POFUT3: variants seen among roughly 807,000 people sequenced by gnomAD.
POFUT3 encodes GDP-fucose protein O-fucosyltransferase 3.
At chr8:33,451,066 A>ATGTGTGCG in the POFUT3 span, among the ~76,000 whole-genome samples, 2 of 148,022 alleles carry the variant, frequency 1.4e-5, no homozygotes, top group African/African-American at 2.5e-5. Context: ...AAGGAGGTGT[A>ATGTGTGCG]TGTGTGTGTG....
chr8:33,449,524 A>G, the POFUT3 span, among the ~76,000 whole-genome samples: 1 of 152,050 alleles, frequency 6.6e-6, no homozygotes, highest in Non-Finnish European at 1.5e-5. Context: ...TCCTGACCTC[A>G]GGTGATCTGC....
chr8:33,422,568 A>G, the POFUT3 span, among the ~76,000 whole-genome samples: 1 of 149,732 alleles, frequency 6.7e-6, no homozygotes, highest in Non-Finnish European at 1.5e-5. Flanking sequence ...AAAAAAAAAA[A>G]AAAACCACAG....
chr8:33,380,026 T>TACTATATATATAC, the POFUT3 span, among the ~76,000 whole-genome samples: 1 of 74,552 alleles, frequency 1.3e-5, no homozygotes, highest in African/African-American at 6.5e-5. Context: ...TATATATATA[T>TACTATATATATAC]ACTATATATA....
At chr8:33,358,914 G>A in the POFUT3 span, among the ~76,000 whole-genome samples, 37 of 152,206 alleles carry the variant, frequency 2.4e-4, no homozygotes, top group African/African-American at 6.7e-4. Flanking sequence ...AAAGAGGGTT[G>A]TTTATGAACC....
At chr8:33,323,842 T>C in the POFUT3 span, among the ~76,000 whole-genome samples, 3 of 152,314 alleles carry the variant, frequency 2.0e-5, no homozygotes, top group East Asian at 1.9e-4. Flanking sequence ...CTACATAAGA[T>C]GATGTAACTG....
At chr8:33,313,397 G>A in the POFUT3 span, among the ~76,000 whole-genome samples, 3 of 152,114 alleles carry the variant, frequency 2.0e-5, no homozygotes, top group African/African-American at 7.2e-5. Flanking sequence ...CTATTTCCAT[G>A]AGGCAGCTTC....
the POFUT3 span, among the ~76,000 whole-genome samples, chr8:33,415,473 G>A: frequency 3.4e-4 from 52 of 151,872 alleles, no homozygotes; most frequent in Non-Finnish European, 6.0e-4. Context: ...TATGAAGGAG[G>A]GGTAGAGGTG....
chr8:33,467,319 G>A, the POFUT3 span, among the ~76,000 whole-genome samples: 5 of 150,560 alleles, frequency 3.3e-5, no homozygotes, highest in South Asian at 1.1e-3. Flanking sequence ...TCAAGGTGTG[G>A]CCAGAGCACA....
chr8:33,441,946 A>G, the POFUT3 span, among the ~76,000 whole-genome samples: 1 of 151,702 alleles, frequency 6.6e-6, no homozygotes, highest in Non-Finnish European at 1.5e-5. Context: ...GGCACCTGTC[A>G]CTTCTATTTT....
the POFUT3 span, among the ~76,000 whole-genome samples, chr8:33,375,632 A>G: frequency 1.3e-5 from 2 of 152,256 alleles, no homozygotes; most frequent in Non-Finnish European, 2.9e-5. Context: ...ATGATAGTGT[A>G]CTACATGGTT....
At chr8:33,416,307 C>A in the POFUT3 span, among the ~76,000 whole-genome samples, 3 of 152,186 alleles carry the variant, frequency 2.0e-5, no homozygotes, top group South Asian at 6.2e-4. Context: ...GGACATGATT[C>A]AGAAAATAGT....
At chr8:33,318,656 TATATAATATATAAATATATTG>T in the POFUT3 span, among the ~76,000 whole-genome samples, 5 of 84,618 alleles carry the variant, frequency 5.9e-5, no homozygotes, top group Non-Finnish European at 1.0e-4. Flanking sequence ...TATATATATT[TATATAATATATAAATATATTG>T]TATATATATT....
At chr8:33,334,134 C>T in the POFUT3 span, among the ~76,000 whole-genome samples, 2 of 152,136 alleles carry the variant, frequency 1.3e-5, no homozygotes, top group Non-Finnish European at 1.5e-5. Flanking sequence ...ACAGTAACTG[C>T]CAACATAGGG....
the POFUT3 span, among the ~76,000 whole-genome samples, chr8:33,373,530 A>C: frequency 6.6e-6 from 1 of 152,164 alleles, no homozygotes; most frequent in Non-Finnish European, 1.5e-5. Flanking sequence ...TGGTCTCCTA[A>C]CTAACCCCTT....
At chr8:33,382,462 T>C in the POFUT3 span, among the ~76,000 whole-genome samples, 1 of 151,970 alleles carries the variant, frequency 6.6e-6, no homozygotes, top group Admixed American at 6.6e-5. Context: ...ATTTCGGAAG[T>C]TGCAAAGTTA....
At chr8:33,358,848 A>G in the POFUT3 span, among the ~76,000 whole-genome samples, 1 of 151,854 alleles carries the variant, frequency 6.6e-6, no homozygotes, top group Admixed American at 6.6e-5. Context: ...TAAAAAAAAA[A>G]GAGAAGGAGA....
At chr8:33,418,949 T>C in the POFUT3 span, among the ~76,000 whole-genome samples, 1 of 152,186 alleles carries the variant, frequency 6.6e-6, no homozygotes, top group East Asian at 1.9e-4. Context: ...TGGAGGTTAT[T>C]AGGTTAAGTG....
the POFUT3 span, among the ~76,000 whole-genome samples, chr8:33,435,661 G>A: frequency 6.6e-6 from 1 of 150,584 alleles, no homozygotes. Context: ...GATTACAGGT[G>A]TGTGCCACCA....
chr8:33,337,787 C>T, the POFUT3 span, among the ~76,000 whole-genome samples: 7 of 152,138 alleles, frequency 4.6e-5, no homozygotes, highest in Admixed American at 4.6e-4. Flanking sequence ...CTAGGGCTGT[C>T]GTAACAAAAT....
Sources: allele counts gnomAD v4.1 joint callset (sites outside exome capture counted in the v4.1 genomes callset), GRCh38; gene constraint gnomAD v4.1.1; transcripts MANE v1.5; gene names NCBI Gene and HGNC (gene_info 2026-07-23, HGNC 2026-07-21).